Variants in PHAF1 observed in about 807,000 individuals in gnomAD.
PHAF1 encodes the protein phagosome assembly factor 1.
Under a neutral mutation model 63.1 loss-of-function variants are expected in PHAF1, and 23 were observed. The ratio of observed to expected loss-of-function variants is 0.36; its 90% confidence interval spans 0.26 to 0.52. The LOEUF is 0.52. Ranked by LOEUF, PHAF1 falls within the 20% of genes least tolerant of loss-of-function variation. The probability of loss-of-function intolerance (pLI) is 0.93; values close to 1 mark genes in which losing one functional copy is unlikely to be tolerated. For synonymous variants in PHAF1, 167 were observed against 185.0 expected (o/e 0.90, Z 0.79); for missense variants, 427 against 517.2 (o/e 0.83, Z 1.69).
rs755742145 is a variant in PHAF1, at chr16:67,134,683, C to T, written c.661+216C>T. 6.1e-6 allele frequency: 4 copies of T among 651,278 alleles called. No homozygotes were observed. The East Asian group carries it at 9.4e-5, about 15-fold the overall frequency. The allele number at this position is 651,278 out of a possible 1,614,324, so 40.3% of individuals were successfully genotyped here. The stretch of plus-strand genomic sequence containing the variant: ...CACTGGCAGATTCAGTATCTGGATG[C>T]GCCTGCAGTCTAGTTCATAGAAGAA... On this transcript the variant is annotated intron_variant, in intron 8 of 15. Coordinates refer to ENST00000219139, the MANE Select transcript of PHAF1 (RefSeq NM_025187.5).
intron 2 of PHAF1, among the ~76,000 whole-genome samples, chr16:67,124,901 CAAA>C (rs573637159): frequency 1.0e-4 from 11 of 106,668 alleles, no homozygotes; most frequent in South Asian, 2.9e-4. Context: ...AGACTTCATC[CAAA>C]AAAAAAAAAA....
At chr16:67,120,273 G>A in intron 2 of PHAF1, 79 bp downstream of exon 2, 3 of 1,331,722 alleles carry the variant, frequency 2.3e-6, no homozygotes, top group Non-Finnish European at 1.1e-6. Context: ...TTTGGGATAG[G>A]CTGACTGGCA....
chr16:67,139,990 G>A lies in PHAF1; in HGVS notation c.668G>A (p.Gly223Glu), dbSNP rs201596544. 9 of 1,613,998 alleles carry A rather than the reference G, an allele frequency of 5.6e-6. No individual in the cohort carries two copies. The African/African-American group carries it at 1.2e-4, about 22-fold the overall frequency. ...LRLRLLAAGC[G>E]PGLLADAKMR... Reference sequence around the variant, plus strand: ...TCTGTCTTGTTTTTTGCAGGTTGTGGACCTGGCCTATTAGCAGATGCCAAG... The same window carrying A: ...TCTGTCTTGTTTTTTGCAGGTTGTGAACCTGGCCTATTAGCAGATGCCAAG... The change falls in exon 9 of 16, where the codon GGA (glycine) becomes GAA (glutamate). Residue 223 changes from glycine (G) to glutamate (E), a missense_variant. Physicochemically the swap from Gly to Glu is moderately conservative, Grantham distance 98 (BLOSUM62 -2). Coordinates refer to ENST00000219139, the MANE Select transcript of PHAF1 (RefSeq NM_025187.5).
intron 2 of PHAF1, among the ~76,000 whole-genome samples, chr16:67,120,746 C>T (rs1398666686): frequency 6.6e-6 from 1 of 151,958 alleles, no homozygotes. Flanking sequence ...TTTGTGGTGT[C>T]CTGTGTGTCA....
At chr16:67,127,737 A>C (rs1183176374) in intron 3 of PHAF1, among the ~76,000 whole-genome samples, 1 of 152,120 alleles carries the variant, frequency 6.6e-6, no homozygotes. Context: ...CAGAGTTTGC[A>C]GTGAGCTGAG....
intron 10 of PHAF1, among the ~76,000 whole-genome samples, 174 bp downstream of exon 10, chr16:67,140,768 T>G (rs1963780636): frequency 6.6e-6 from 1 of 152,232 alleles, no homozygotes. Flanking sequence ...AAAGTAGACC[T>G]TGCCTGCAAC....
At chr16:67,142,913 C>T (rs1963864831) in intron 10 of PHAF1, among the ~76,000 whole-genome samples, 3 of 152,218 alleles carry the variant, frequency 2.0e-5, no homozygotes. Flanking sequence ...TCCAGATGGG[C>T]CATTGCTGCC....
chr16:67,114,688 T>G (rs1252137162), intron 1 of PHAF1, among the ~76,000 whole-genome samples: 1 of 152,170 alleles, frequency 6.6e-6, no homozygotes, highest in Non-Finnish European at 1.5e-5. Context: ...AGAGTCCCAA[T>G]TCTGTTTGGT....
intron 2 of PHAF1, among the ~76,000 whole-genome samples, chr16:67,122,180 G>A (rs1040254105): frequency 1.3e-5 from 2 of 152,086 alleles, no homozygotes; most frequent in South Asian, 2.1e-4. Context: ...GATTACAGGC[G>A]TGAGCCACCG....
chr16:67,132,394 C>A, intron 4 of PHAF1, 52 bp from the exon 5 acceptor site: 2 of 1,437,840 alleles, frequency 1.4e-6, no homozygotes, highest in Non-Finnish European at 1.9e-6. Context: ...CTCACATGAT[C>A]TGTGGGCCCA....
rs754262811 is a variant in PHAF1, at chr16:67,139,939, G to C, written c.662-45G>C. ...TCTGGGGCCCCCAGAGAGGGTCTCT[G>C]GTCCTAACCATAACCTGACAACCTC... On this transcript the variant is annotated intron_variant, in intron 8 of 15. Coordinates refer to ENST00000219139, the MANE Select transcript of PHAF1 (RefSeq NM_025187.5). 13 of 1,612,118 alleles carry C rather than the reference G, an allele frequency of 8.1e-6. No individual in the cohort carries two copies. The South Asian group carries it at 1.4e-4, about 18-fold the overall frequency.
At chr16:67,133,409 C>T (rs1435457081) in intron 6 of PHAF1, among the ~76,000 whole-genome samples, 1 of 151,318 alleles carries the variant, frequency 6.6e-6, no homozygotes, top group African/African-American at 2.4e-5. Flanking sequence ...AATCCCAGCA[C>T]TTTGGGAGGC....
Position 67,132,308 on chromosome 16 carries a change from CTAAT to C in PHAF1, c.276-134_276-131del, listed in dbSNP as rs1204124286. On this transcript the variant is annotated intron_variant, in intron 4 of 15. Coordinates refer to ENST00000219139, the MANE Select transcript of PHAF1 (RefSeq NM_025187.5). Reference sequence around the variant, plus strand: ...ATTAATGCTCTTATTTAAAAGTTCTCTAATTAAGCTTTGTATTTTGATATAATTA... The same window carrying C: ...ATTAATGCTCTTATTTAAAAGTTCTCTAAGCTTTGTATTTTGATATAATTA... 6.1e-5 allele frequency: 46 copies of C among 754,068 alleles called. No homozygotes were observed. In the East Asian group the frequency reaches 1.0e-3, roughly 16 times the overall value. 46.7% of individuals were successfully genotyped at this position (754,068 alleles called of 1,614,324 possible).
At chr16:67,110,265 C>T (rs374409836) in intron 1 of PHAF1, 26 bp downstream of exon 1, 4 of 1,550,642 alleles carry the variant, frequency 2.6e-6, no homozygotes, top group Non-Finnish European at 3.5e-6. Flanking sequence ...TCTGTCAGGA[C>T]CCCATTCGCT....
At chr16:67,137,485 A>AT (rs1963654129) in intron 8 of PHAF1, among the ~76,000 whole-genome samples, 2 of 151,906 alleles carry the variant, frequency 1.3e-5, no homozygotes, top group African/African-American at 2.4e-5. Context: ...CGCCAGGCTA[A>AT]TTTCTGTATT....
chr16:67,146,403 C>T (rs929051394), intron 15 of PHAF1, 53 bp downstream of exon 15: 2 of 1,547,444 alleles, frequency 1.3e-6, no homozygotes, highest in Admixed American at 1.7e-5. Context: ...CTGGTCATGG[C>T]AGGGCCAGGT....
chr16:67,146,205 G>A (rs2030047422), intron 14 of PHAF1, 73 bp from the exon 15 acceptor site: 1 of 1,395,884 alleles, frequency 7.2e-7, no homozygotes, highest in African/African-American at 1.4e-5. Context: ...CCATACCCCA[G>A]AAAAGACTGG....
At chr16:67,137,732 C>A (rs1963662749) in intron 8 of PHAF1, among the ~76,000 whole-genome samples, 1 of 152,142 alleles carries the variant, frequency 6.6e-6, no homozygotes, top group African/African-American at 2.4e-5. Flanking sequence ...GGATCAGGGT[C>A]ATTAATCATC....
At chr16:67,118,118 G>A (rs1408100489) in intron 1 of PHAF1, among the ~76,000 whole-genome samples, 14 of 146,088 alleles carry the variant, frequency 9.6e-5, no homozygotes, top group Non-Finnish European at 1.6e-4. Flanking sequence ...CACCACGCCC[G>A]GCTAATTTTT....
Sources: allele counts gnomAD v4.1 joint callset (sites outside exome capture counted in the v4.1 genomes callset), GRCh38; gene constraint gnomAD v4.1.1; transcripts MANE v1.5; gene names NCBI Gene and HGNC (gene_info 2026-07-23, HGNC 2026-07-21).